The following DCUN1D4 variants were observed in gnomAD, a reference collection of about 807,000 sequenced individuals.
DCUN1D4 encodes the protein DCN1-like protein 4.
DCUN1D4 carries 22 observed loss-of-function variants against 47.9 expected under a neutral mutation model. That is an observed-to-expected ratio of 0.46 (90% CI 0.33 to 0.66). The LOEUF (loss-of-function observed/expected upper bound fraction) is 0.66. Among genes scored for constraint, DCUN1D4 ranks in the 30% least tolerant of loss-of-function variants. The pLI, the probability that DCUN1D4 is intolerant of heterozygous loss-of-function variation, is 0.02. For synonymous variants in DCUN1D4, 121 were observed against 112.2 expected (o/e 1.08, Z -0.50); for missense variants, 301 against 340.8 (o/e 0.88, Z 0.92).
intron 1 of DCUN1D4, among the ~76,000 whole-genome samples, chr4:51,846,026 A>G (rs933576022): frequency 1.3e-5 from 2 of 152,260 alleles, no homozygotes; most frequent in African/African-American, 2.4e-5. Flanking sequence ...AAAACATGCA[A>G]GAGCTATAAT....
At chr4:51,879,725 G>A (rs899342915) in intron 5 of DCUN1D4, among the ~76,000 whole-genome samples, 5 of 152,154 alleles carry the variant, frequency 3.3e-5, no homozygotes, top group African/African-American at 1.2e-4. Context: ...TTCCTATATT[G>A]ATTCACATTT....
intron 4 of DCUN1D4, chr4:51,875,413 A>T (rs1727517832): frequency 6.6e-6 from 1 of 152,224 alleles, no homozygotes; most frequent in South Asian, 2.1e-4. Flanking sequence ...TTCTCACCAC[A>T]GTCTAATAAA....
chr4:51,905,231 T>A (rs1435394655), intron 8 of DCUN1D4: 3 of 455,250 alleles, frequency 6.6e-6, no homozygotes, highest in African/African-American at 2.0e-5. Flanking sequence ...TCAGAAGTCA[T>A]CTGGTCCAGG....
chr4:51,898,116 A>G (rs553262389), intron 7 of DCUN1D4, among the ~76,000 whole-genome samples: 5 of 152,308 alleles, frequency 3.3e-5, no homozygotes, highest in Admixed American at 3.3e-4. Context: ...CAGAACTTCT[A>G]CTGGGAGAGG....
intron 1 of DCUN1D4, among the ~76,000 whole-genome samples, chr4:51,857,834 A>C (rs758895606): frequency 6.6e-6 from 1 of 152,156 alleles, no homozygotes; most frequent in Admixed American, 6.5e-5. Flanking sequence ...TATTGAATTT[A>C]AGCCTTTGGT....
chr4:51,913,684 C>T lies in DCUN1D4; in HGVS notation c.*100C>T. On this transcript the variant is annotated 3_prime_UTR_variant, in exon 11 of 11. Coordinates refer to ENST00000334635, the MANE Select transcript of DCUN1D4 (RefSeq NM_001040402.3). ...ATCAAAGCGCATGCTGCTTCTCTTG[C>T]ACTGTTTCCCTTTCGCAGGGACATG... 1 of 1,070,500 alleles carries T rather than the reference C, an allele frequency of 9.3e-7. No homozygotes were observed. The highest frequency in any genetic ancestry group is 1.4e-5 in the South Asian group (1 of 71,460). The allele number at this position is 1,070,500 out of a possible 1,614,324, so 66.3% of individuals were successfully genotyped here. A position where few individuals can be genotyped will look rare whatever the true frequency, so the allele number is the denominator to read the frequency against.
chr4:51,887,957 C>T (rs1351811284), intron 6 of DCUN1D4, among the ~76,000 whole-genome samples: 1 of 150,298 alleles, frequency 6.7e-6, no homozygotes, highest in Non-Finnish European at 1.5e-5. Flanking sequence ...ATAAATTACC[C>T]AACTTGGCAT....
chr4:51,916,089 A>G lies in DCUN1D4; in HGVS notation c.*2505A>G, dbSNP rs995349565. 6.6e-6 allele frequency: 1 copy of G among 152,074 alleles called. No homozygotes were observed. The highest frequency in any genetic ancestry group is 2.4e-5 in the African/African-American group (1 of 41,430). 9.4% of individuals were successfully genotyped at this position (152,074 alleles called of 1,614,324 possible). Reference sequence around the variant, plus strand: ...ATCATCAAGCACTTATTTACTGGCTAATGTTGAATAAATTAGGGTGCCTTC... The same window carrying G: ...ATCATCAAGCACTTATTTACTGGCTGATGTTGAATAAATTAGGGTGCCTTC... On this transcript the variant is annotated 3_prime_UTR_variant, in exon 11 of 11. Transcript: ENST00000334635.
Position 51,845,764 on chromosome 4 carries a change from T to G in DCUN1D4, c.25+2497T>G, listed in dbSNP as rs570186760. Among the ~76,000 whole-genome samples, 41 of 152,380 alleles carry G rather than the reference T, an allele frequency of 2.7e-4. No individual in the cohort carries two copies. In the South Asian group the frequency reaches 4.6e-3, roughly 17 times the overall value. On this transcript the variant is annotated intron_variant, in intron 1 of 10. Transcript: ENST00000334635. ...AATATTACCAAGAAGTCCTAAGATTTGTAAACCTTTTGGTGTGGTTACAAA... is the reference window on the plus strand; with the variant it reads ...AATATTACCAAGAAGTCCTAAGATTGGTAAACCTTTTGGTGTGGTTACAAA...
At chr4:51,911,601 T>C (rs757052637) in intron 9 of DCUN1D4, among the ~76,000 whole-genome samples, 20 of 152,244 alleles carry the variant, frequency 1.3e-4, no homozygotes, top group Admixed American at 8.5e-4. Context: ...TATGTTCTTA[T>C]CTACTCTTGT....
At chr4:51,842,985 C>T, upstream of DCUN1D4, 1 of 1,195,306 alleles carries the variant, frequency 8.4e-7, no homozygotes, top group Non-Finnish European at 1.1e-6. Flanking sequence ...GGCCCCAGGA[C>T]CAATCGTATT....
intron 3 of DCUN1D4, among the ~76,000 whole-genome samples, chr4:51,873,158 A>G (rs1001111067): frequency 2.0e-5 from 3 of 151,864 alleles, no homozygotes; most frequent in African/African-American, 7.3e-5. Flanking sequence ...TGTCCTCATC[A>G]CTCCCTGAGA....
chr4:51,883,126 A>C (rs1435530947), intron 5 of DCUN1D4, among the ~76,000 whole-genome samples: 4 of 152,246 alleles, frequency 2.6e-5, no homozygotes, highest in Admixed American at 6.5e-5. Context: ...AAGAAGAATG[A>C]AGTAGATGTA....
At chr4:51,848,424 C>G (rs1007753450) in intron 1 of DCUN1D4, 1 of 1,029,998 alleles carries the variant, frequency 9.7e-7, no homozygotes, top group African/African-American at 1.7e-5. Context: ...TGTTTTATAT[C>G]CATATTCTGG....
upstream of DCUN1D4, among the ~76,000 whole-genome samples, chr4:51,839,383 T>G (rs1721575876): frequency 6.6e-6 from 1 of 152,212 alleles, no homozygotes; most frequent in African/African-American, 2.4e-5. Context: ...AACTTACCTG[T>G]AGATTGGGGA....
chr4:51,877,613 A>T, intron 4 of DCUN1D4, 150 bp from the exon 5 acceptor site: 1 of 542,974 alleles, frequency 1.8e-6, no homozygotes, highest in Non-Finnish European at 3.3e-6. Context: ...TAAAAGCTGA[A>T]GCCTGCAAAT....
At chr4:51,870,068 A>G (rs771817588) in intron 3 of DCUN1D4, among the ~76,000 whole-genome samples, 2 of 152,214 alleles carry the variant, frequency 1.3e-5, no homozygotes, top group African/African-American at 2.4e-5. Context: ...CGTCAGCCTT[A>G]ATATCTTGCT....
intron 8 of DCUN1D4, among the ~76,000 whole-genome samples, chr4:51,902,798 T>A (rs1165421731): frequency 6.6e-6 from 1 of 152,154 alleles, no homozygotes; most frequent in Admixed American, 6.5e-5. Flanking sequence ...CTATTTTTTG[T>A]TCCTTTTTTC....
At chr4:51,844,278 A>T in intron 1 of DCUN1D4, 1 of 950,938 alleles carries the variant, frequency 1.1e-6, no homozygotes, top group Non-Finnish European at 1.2e-6. Context: ...GGGTCCCTTG[A>T]AGGGGGGAGT....
Sources: gnomAD v4.1 joint callset for allele counts (sites outside exome capture counted in the v4.1 genomes callset) on GRCh38, gnomAD v4.1.1 for gene constraint, MANE v1.5 for transcripts, NCBI Gene and HGNC (gene_info 2026-07-23, HGNC 2026-07-21) for gene names.